PRR12: variants seen among roughly 807,000 people sequenced by gnomAD.
PRR12 encodes proline rich 12.
PRR12 carries 12 observed loss-of-function variants against 138.0 expected under a neutral mutation model. That is an observed-to-expected ratio of 0.09 (90% confidence interval 0.06 to 0.14). PRR12 has a LOEUF of 0.14. Among genes scored for constraint, PRR12 ranks in the 10% least tolerant of loss-of-function variants. The pLI is 1.00. For missense variants in PRR12, 2,692 were observed against 2,861.3 expected, an observed-to-expected ratio of 0.94 and a Z score of 1.35; for synonymous variants, 1,567 against 1,291.7, an observed-to-expected ratio of 1.21 and a Z score of -4.57.
At position 49,594,734 on chromosome 19, in the gene PRR12, G is replaced by C; in HGVS notation, c.399G>C (p.Ser133=). The change falls in exon 4 of 14, where the codon TCG becomes TCC. Residue 133 remains serine, a synonymous_variant. Coordinates refer to ENST00000418929, the MANE Select transcript of PRR12 (RefSeq NM_020719.3). This position sits in a 1 kb window ranked among gnomAD's most constrained non-coding sequence, Gnocchi z 5.6. ...CAGGCCCCACGGAGCTCTTCATCTCGGGTGCCCTGCCGGGTTCCAGCACCT... is the reference window on the plus strand; with the variant it reads ...CAGGCCCCACGGAGCTCTTCATCTCCGGTGCCCTGCCGGGTTCCAGCACCT... ...HTPGPTELFI[S]GALPGSSTFP... The C allele has an allele frequency of 9.9e-6, 16 of 1,613,176 alleles. No individual in the cohort carries two copies. Among genetic ancestry groups the C allele is most frequent in the Non-Finnish European group, 1.3e-5 (15 of 1,179,800 alleles).
Position 49,596,646 on chromosome 19 carries a change from G to T in PRR12, c.2311G>T (p.Ala771Ser). The change falls in exon 4 of 14, where the codon GCC becomes TCC. Residue 771 changes from alanine to serine, a missense_variant. Ala to Ser is a moderately conservative substitution (Grantham distance 99, BLOSUM62 1). Coordinates refer to ENST00000418929, the MANE Select transcript of PRR12 (RefSeq NM_020719.3). This position sits in a 1 kb window ranked among gnomAD's most constrained non-coding sequence, Gnocchi z 5.6. ...QKSPPPPPPT[A>S]QSTQPTPHGL... ...GAGCCCTCCGCCCCCACCTCCCACG[G>T]CCCAGTCTACCCAGCCCACTCCCCA... The T allele has an allele frequency of 2.5e-6, 4 of 1,598,924 alleles. No homozygotes were observed. Among genetic ancestry groups the T allele is most frequent in the South Asian group, 1.1e-5 (1 of 89,922 alleles).
rs1384200838 is a variant in PRR12, at chr19:49,596,196, G to A, written c.1861G>A (p.Gly621Ser). ...AGGTGGCTACAAGGGCAAGGGGGAT[G>A]GCTCGGAGCTGCTGGCGGGCCCAGG... ...GAGGYKGKGD[G>S]SELLAGPGGP... The change falls in exon 4 of 14, where the codon GGC (glycine) becomes AGC (serine). Residue 621 changes from glycine to serine, a missense_variant. Gly to Ser is a moderately conservative substitution (Grantham distance 56, BLOSUM62 0). Around this residue, in one of 11 missense-constraint regions of PRR12, gnomAD observed 66 missense variants for 102.4 expected, o/e 0.64. Coordinates refer to ENST00000418929, the MANE Select transcript of PRR12 (RefSeq NM_020719.3). The surrounding 1 kb of genome is among the most constrained non-coding windows in gnomAD (Gnocchi z 5.6). 4 of 1,610,814 alleles carry A rather than the reference G, an allele frequency of 2.5e-6. No homozygotes were observed. The highest frequency in any genetic ancestry group is 3.4e-6 in the Non-Finnish European group (4 of 1,179,786).
At position 49,594,626 on chromosome 19, in the gene PRR12, C is replaced by T. The variant is rs200211926; in HGVS notation, c.361+11C>T. The T allele has an allele frequency of 1.3e-4, 216 of 1,611,190 alleles. No homozygotes were observed. In the African/African-American group the frequency reaches 2.4e-3, roughly 18 times the overall value. ...CTTCCTGGCAAACAGGTAAGCCCAGCGCCGGCCCTGCAGGGCCAGGGTGGG... is the reference window on the plus strand; with the variant it reads ...CTTCCTGGCAAACAGGTAAGCCCAGTGCCGGCCCTGCAGGGCCAGGGTGGG... On this transcript the variant is annotated intron_variant, in intron 3 of 13. Coordinates refer to ENST00000418929, the MANE Select transcript of PRR12 (RefSeq NM_020719.3). This position sits in a 1 kb window ranked among gnomAD's most constrained non-coding sequence, Gnocchi z 5.6.
chr19:49,611,548 C>T (rs1277073217), intron 6 of PRR12, among the ~76,000 whole-genome samples: 1 of 148,408 alleles, frequency 6.7e-6, no homozygotes, highest in Non-Finnish European at 1.5e-5. Context: ...TGAGGCAGGA[C>T]AATCACTTGA....
chr19:49,596,789 A>G lies in PRR12; in HGVS notation c.2454A>G (p.Lys818=). Residue 818 remains lysine (K), a synonymous_variant, in exon 4 of 14, where the codon AAA becomes AAG. Transcript: ENST00000418929. This position sits in a 1 kb window ranked among gnomAD's most constrained non-coding sequence, Gnocchi z 5.6. ...HAPSPSPSAS[K]VGVHLLEPAT... is the part of the protein sequence containing the mutation. ...CCAGTCCCTCTCCCAGCGCCTCCAA[A>G]GTCGGCGTCCACCTCCTTGAGCCAG... 1.2e-6 allele frequency: 2 copies of G among 1,601,678 alleles called. No individual in the cohort carries two copies. The highest frequency in any genetic ancestry group is 8.5e-7 in the Non-Finnish European group (1 of 1,179,268).
rs779027329 is a variant in PRR12 at position 49,596,343 on chromosome 19, G to A, written c.2008G>A (p.Ala670Thr). ...GGTGGGCGAGGACGGGGCAGCAGAT[G>A]CCTCTAAGGGACTTGGGGGGAGTGG... ...GLVGEDGAAD[A>T]SKGLGGSGGA... The change falls in exon 4 of 14, where the codon GCC (alanine) becomes ACC (threonine). Residue 670 changes from alanine (A) to threonine (T), a missense_variant. Physicochemically the swap from Ala to Thr is moderately conservative, Grantham distance 58 (BLOSUM62 0). This residue lies in a region of PRR12 where 840 missense variants were observed against 689.8 expected (regional missense o/e 1.22). Transcript: ENST00000418929. The surrounding 1 kb of genome is among the most constrained non-coding windows in gnomAD (Gnocchi z 5.6). 9 of 1,609,700 alleles carry A rather than the reference G, an allele frequency of 5.6e-6. No homozygotes were observed. The highest frequency in any genetic ancestry group is 2.2e-5 in the South Asian group (2 of 90,976).
At chr19:49,623,130 A>C (rs2080934476) in intron 11 of PRR12, among the ~76,000 whole-genome samples, 1 of 151,718 alleles carries the variant, frequency 6.6e-6, no homozygotes, top group African/African-American at 2.4e-5. Flanking sequence ...TCGTGGGTAG[A>C]GTGCTGGGTG....
intron 9 of PRR12, among the ~76,000 whole-genome samples, chr19:49,619,535 C>CTTTTTTTT (rs760207958): frequency 4.5e-5 from 3 of 67,148 alleles, no homozygotes; most frequent in African/African-American, 7.9e-5. Context: ...ATGCCCAGCC[C>CTTTTTTTT]TTTTTTTTTT....
At chr19:49,608,894 T>A (rs1324987980) in intron 6 of PRR12, among the ~76,000 whole-genome samples, 4 of 151,628 alleles carry the variant, frequency 2.6e-5, no homozygotes, top group African/African-American at 9.7e-5. Context: ...GAACCACTTG[T>A]GGGAACGAGC....
chr19:49,598,083 T>A, intron 4 of PRR12, 70 bp downstream of exon 4: 1 of 1,259,064 alleles, frequency 7.9e-7, no homozygotes, highest in Non-Finnish European at 9.9e-7. Context: ...GTCTTTTTTT[T>A]TTTTTTTTGA....
chr19:49,612,750 C>T (rs549699416), intron 6 of PRR12, among the ~76,000 whole-genome samples: 70 of 152,120 alleles, frequency 4.6e-4, no homozygotes, highest in Middle Eastern at 3.4e-3. Flanking sequence ...CTGCAACCTC[C>T]ACCTCCCGGG....
At position 49,599,857 on chromosome 19, in the gene PRR12, C is replaced by A. The variant is rs1486765625; in HGVS notation, c.4264C>A (p.Pro1422Thr). The A allele has an allele frequency of 6.2e-7, 1 of 1,613,134 alleles. No individual in the cohort carries two copies. The change falls in exon 5 of 14, where the codon CCG (proline) becomes ACG (threonine). Residue 1422 changes from proline (P) to threonine (T), a missense_variant. Pro to Thr is a conservative substitution (Grantham distance 38). Coordinates refer to ENST00000418929, the MANE Select transcript of PRR12 (RefSeq NM_020719.3). This position sits in a 1 kb window ranked among gnomAD's most constrained non-coding sequence, Gnocchi z 5.0. Reference sequence around the variant, plus strand: ...AAAAGACACTTCCACCCCAGATGGGCCGCCCTTGGCCCCCGCGGCTGCAGT... The same window carrying A: ...AAAAGACACTTCCACCCCAGATGGGACGCCCTTGGCCCCCGCGGCTGCAGT... ...GPKDTSTPDG[P>T]PLAPAAAVPG... is the part of the protein sequence containing the mutation.
intron 9 of PRR12, among the ~76,000 whole-genome samples, chr19:49,617,717 G>GGTA (rs368105581): frequency 2.6e-5 from 4 of 152,172 alleles, no homozygotes; most frequent in African/African-American, 9.7e-5. Flanking sequence ...ACAGTACAGG[G>GGTA]GTAGCTGTTT....
At position 49,594,587 on chromosome 19, in the gene PRR12, C is replaced by G; in HGVS notation, c.333C>G (p.Ser111=). 2 of 1,612,890 alleles carry G rather than the reference C, an allele frequency of 1.2e-6. No homozygotes were observed. The highest frequency in any genetic ancestry group is 2.2e-5 in the South Asian group (2 of 91,000). Residue 111 remains serine, a synonymous_variant, in exon 3 of 14, where the codon TCC becomes TCG. Coordinates refer to ENST00000418929, the MANE Select transcript of PRR12 (RefSeq NM_020719.3). This position sits in a 1 kb window ranked among gnomAD's most constrained non-coding sequence, Gnocchi z 5.6. Reference sequence around the variant, plus strand: ...GCCCCTCCGCCTCCTCTCTCCTCTCCCAGTTCCGCAGTCCTTCCTGGCAAA... The same window carrying G: ...GCCCCTCCGCCTCCTCTCTCCTCTCGCAGTTCCGCAGTCCTTCCTGGCAAA... The part of the protein sequence containing the change: ...QPGPSASSLL[S]QFRSPSWQTA...
At chr19:49,592,967 G>A (rs1465988419) in intron 1 of PRR12, among the ~76,000 whole-genome samples, 1 of 152,082 alleles carries the variant, frequency 6.6e-6, no homozygotes, top group African/African-American at 2.4e-5. Flanking sequence ...CGCCGGAACG[G>A]GGGCTGGGGG....
intron 6 of PRR12, among the ~76,000 whole-genome samples, chr19:49,602,126 T>C (rs2080815667): frequency 6.6e-6 from 1 of 152,224 alleles, no homozygotes; most frequent in African/African-American, 2.4e-5. Flanking sequence ...GTACATGCAT[T>C]ACCTGTATAT....
chr19:49,609,801 G>T (rs377249929), intron 6 of PRR12, among the ~76,000 whole-genome samples: 1 of 152,102 alleles, frequency 6.6e-6, no homozygotes, highest in East Asian at 1.9e-4. Context: ...GTTGGACTTG[G>T]GTGCAGGGGT....
At chr19:49,608,863 A>G (rs1292615075) in intron 6 of PRR12, among the ~76,000 whole-genome samples, 2 of 152,044 alleles carry the variant, frequency 1.3e-5, no homozygotes, top group Non-Finnish European at 2.9e-5. Context: ...CAAAAAAAAC[A>G]AATCAATCTC....
chr19:49,600,265 G>A (rs1016684952), intron 5 of PRR12, among the ~76,000 whole-genome samples: 3 of 151,962 alleles, frequency 2.0e-5, no homozygotes, highest in African/African-American at 7.3e-5. Context: ...ACTGAGGAGG[G>A]CTCTGAGTCA....
Sources: gnomAD v4.1 joint callset for allele counts (sites outside exome capture counted in the v4.1 genomes callset) on GRCh38, gnomAD v4.1.1 for gene constraint, gnomAD v4.1.1 regional missense constraint, Gnocchi (gnomAD v3.1) non-coding constraint, MANE v1.5 for transcripts, NCBI Gene and HGNC (gene_info 2026-07-23, HGNC 2026-07-21) for gene names.